The following B3GALT5 variants were observed in gnomAD, a reference collection of about 807,000 sequenced individuals.
B3GALT5 encodes the protein UDP-Gal:betaGlcNAc beta 1,3-galactosyltransferase, polypeptide 5.
For missense variants in B3GALT5, 328 were observed against 396.6 expected, an observed-to-expected ratio of 0.83 and a Z score of 1.47; for synonymous variants, 156 against 158.6, an observed-to-expected ratio of 0.98 and a Z score of 0.12.
rs552004762 is a variant in B3GALT5 at position 39,644,959 on chromosome 21, C to G, written c.-391-1433C>G. On this transcript the variant is annotated intron_variant, in intron 1 of 3. Transcript: ENST00000684187. The stretch of plus-strand genomic sequence containing the variant: ...CCCCTTTCTTCTCACTCTTCTTATA[C>G]TGCCAGGGGTGGGTTGTGTTGTCAG... Among the ~76,000 whole-genome samples the G allele has an allele frequency of 1.9e-3, 282 of 152,220 alleles. 1 individual carries two copies. The highest frequency in any genetic ancestry group is 2.1e-3 in the Non-Finnish European group (144 of 68,024).
chr21:39,625,884 T>C (rs1343690302), intron 1 of B3GALT5, among the ~76,000 whole-genome samples: 1 of 152,206 alleles, frequency 6.6e-6, no homozygotes, highest in Non-Finnish European at 1.5e-5. Flanking sequence ...ATTATGCATG[T>C]TATCTGTAAA....
intron 1 of B3GALT5, among the ~76,000 whole-genome samples, chr21:39,638,895 A>G (rs1282772860): frequency 6.6e-6 from 1 of 152,186 alleles, no homozygotes; most frequent in African/African-American, 2.4e-5. Flanking sequence ...TCATGTTGAC[A>G]CAGAGGTGGA....
At chr21:39,642,238 A>G (rs2079295697) in intron 1 of B3GALT5, among the ~76,000 whole-genome samples, 1 of 152,374 alleles carries the variant, frequency 6.6e-6, no homozygotes, top group Non-Finnish European at 1.5e-5. Flanking sequence ...TATTAATTGA[A>G]GAAAGCAAAG....
At chr21:39,636,212 A>G (rs2079226472) in intron 1 of B3GALT5, among the ~76,000 whole-genome samples, 1 of 152,242 alleles carries the variant, frequency 6.6e-6, no homozygotes, top group African/African-American at 2.4e-5. Flanking sequence ...GCATGTAAAG[A>G]ATTTAATGCA....
At chr21:39,643,662 C>CG (rs2079310881) in intron 1 of B3GALT5, among the ~76,000 whole-genome samples, 1 of 152,196 alleles carries the variant, frequency 6.6e-6, no homozygotes, top group Admixed American at 6.5e-5. Flanking sequence ...TCTTCCTTCC[C>CG]AAGTTTTGAA....
At chr21:39,629,074 C>A (rs1035049850) in intron 1 of B3GALT5, among the ~76,000 whole-genome samples, 1 of 151,908 alleles carries the variant, frequency 6.6e-6, no homozygotes, top group Non-Finnish European at 1.5e-5. Context: ...TGCAGTGGTG[C>A]CTGATCTTGG....
At chr21:39,640,669 C>A (rs946561327) in intron 1 of B3GALT5, among the ~76,000 whole-genome samples, 1 of 151,518 alleles carries the variant, frequency 6.6e-6, no homozygotes, top group Non-Finnish European at 1.5e-5. Context: ...TGGATTCCAT[C>A]AAGAAAGATG....
In B3GALT5 at chr21:39,671,752, GAGA is replaced by G. The variant is rs1329376896; in HGVS notation, c.*10263_*10265del. ...TTACATTCTCTGTTGGGAATGTAGA[GAGA>G]AGGATTTGCAGTGTGTGGCCCCTGG... On this transcript the variant is annotated 3_prime_UTR_variant, in exon 4 of 4. Coordinates refer to ENST00000684187, the MANE Select transcript of B3GALT5 (RefSeq NM_001356336.2). The G allele has an allele frequency of 6.6e-6, 1 of 152,208 alleles. No individual in the cohort carries two copies. Among genetic ancestry groups the G allele is most frequent in the Non-Finnish European group, 1.5e-5 (1 of 68,040 alleles). 9.4% of individuals were successfully genotyped at this position (152,208 alleles called of 1,614,324 possible). A position where few individuals can be genotyped will look rare whatever the true frequency, so the allele number is the denominator to read the frequency against.
chr21:39,653,892 A>G (rs2079417492), intron 2 of B3GALT5, among the ~76,000 whole-genome samples: 1 of 152,166 alleles, frequency 6.6e-6, no homozygotes, highest in Non-Finnish European at 1.5e-5. Flanking sequence ...TTAGTCTCTC[A>G]TTACTCCACT....
At chr21:39,655,814 T>C (rs1425700587) in intron 2 of B3GALT5, among the ~76,000 whole-genome samples, 1 of 152,124 alleles carries the variant, frequency 6.6e-6, no homozygotes, top group Non-Finnish European at 1.5e-5. Flanking sequence ...AGGCCATGTG[T>C]GACACGGGAG....
intron 1 of B3GALT5, among the ~76,000 whole-genome samples, chr21:39,626,226 G>T (rs370858490): frequency 6.6e-6 from 1 of 152,112 alleles, no homozygotes; most frequent in Non-Finnish European, 1.5e-5. Context: ...TGTCTTCAAG[G>T]TTCATCCATG....
chr21:39,644,875 C>G (rs930850593), intron 1 of B3GALT5, among the ~76,000 whole-genome samples: 1 of 152,072 alleles, frequency 6.6e-6, no homozygotes, highest in Non-Finnish European at 1.5e-5. Context: ...AGGCTTCTAC[C>G]TCCCCACCAT....
At position 39,616,868 on chromosome 21, in the gene B3GALT5, G is replaced by A. The variant is rs543868286; in HGVS notation, c.-392+3801G>A. On this transcript the variant is annotated intron_variant, in intron 1 of 3. Coordinates refer to ENST00000684187, the MANE Select transcript of B3GALT5 (RefSeq NM_001356336.2). ...AAAAGTTGCTCTCAGGATACACTCA[G>A]GTTTTGGATTGCCCCCAAATTCAGG... Among the ~76,000 whole-genome samples, 6 of 152,290 alleles carry A rather than the reference G, an allele frequency of 3.9e-5. No individual in the cohort carries two copies. The South Asian group carries it at 1.2e-3, about 32-fold the overall frequency.
In B3GALT5 at chr21:39,662,943, G is replaced by T; in HGVS notation, c.*1451G>T. 6.2e-6 allele frequency: 1 copy of T among 161,172 alleles called. No individual in the cohort carries two copies. 10.0% of individuals were successfully genotyped at this position (161,172 alleles called of 1,614,324 possible). On this transcript the variant is annotated 3_prime_UTR_variant, in exon 4 of 4. Coordinates refer to ENST00000684187, the MANE Select transcript of B3GALT5 (RefSeq NM_001356336.2). ...AAAATGGTTTTGACCATGTTCAATT[G>T]CAAAAGTACGTCTGATATCCTATTT... is the stretch of plus-strand genomic sequence containing the variant.
intron 2 of B3GALT5, among the ~76,000 whole-genome samples, chr21:39,651,783 T>TA (rs1555927735): frequency 9.4e-4 from 143 of 152,034 alleles, no homozygotes; most frequent in African/African-American, 2.4e-3. Flanking sequence ...CAGTTTTTTT[T>TA]ATCAGATCTA....
In B3GALT5 at chr21:39,639,354, C is replaced by T. The variant is rs1474316834; in HGVS notation, c.-391-7038C>T. Among the ~76,000 whole-genome samples the T allele has an allele frequency of 8.0e-3, 920 of 115,506 alleles. 4 individuals carry two copies. Among genetic ancestry groups the T allele is most frequent in the Non-Finnish European group, 0.011 (592 of 54,928 alleles). The allele number at this position is 115,506 out of a possible 152,430, so 75.8% of individuals were successfully genotyped here. ...TCTTTCTTTCTTTCTTTCTTTCCTT[C>T]CTTCCTTCCTTCCTTCCTTCCTTCC... On this transcript the variant is annotated intron_variant, in intron 1 of 3. Transcript: ENST00000684187.
chr21:39,641,515 A>G (rs1327861453), intron 1 of B3GALT5, among the ~76,000 whole-genome samples: 5 of 151,988 alleles, frequency 3.3e-5, no homozygotes, highest in African/African-American at 1.2e-4. Flanking sequence ...TAATGCTTGA[A>G]TTCCCTTTAC....
At chr21:39,645,131 C>A (rs1259330105) in intron 1 of B3GALT5, among the ~76,000 whole-genome samples, 1 of 152,146 alleles carries the variant, frequency 6.6e-6, no homozygotes, top group African/African-American at 2.4e-5. Context: ...TATCTACTCA[C>A]CCTGCTGCTG....
chr21:39,651,966 C>T (rs138716449), intron 2 of B3GALT5, among the ~76,000 whole-genome samples: 8 of 152,248 alleles, frequency 5.3e-5, no homozygotes, highest in African/African-American at 1.4e-4. Context: ...AGGCTTCACC[C>T]GACTGTGTTG....
Sources: allele counts gnomAD v4.1 joint callset (sites outside exome capture counted in the v4.1 genomes callset), GRCh38; gene constraint gnomAD v4.1.1; transcripts MANE v1.5; gene names NCBI Gene and HGNC (gene_info 2026-07-23, HGNC 2026-07-21).